PAX5: variants seen among roughly 807,000 people sequenced by gnomAD.
PAX5 encodes the protein paired box protein Pax-5.
Under a neutral mutation model 43.7 loss-of-function variants are expected in PAX5, and 9 were observed. That is an observed-to-expected ratio of 0.21 (90% CI 0.12 to 0.36). The LOEUF is 0.36. Ranked by LOEUF, PAX5 falls within the 10% of genes least tolerant of loss-of-function variation. The pLI, the probability that PAX5 is intolerant of heterozygous loss-of-function variation, is 1.00. For synonymous variants in PAX5, 228 were observed against 214.3 expected, an observed-to-expected ratio of 1.06 and a Z score of -0.56; for missense variants, 383 against 532.7, an observed-to-expected ratio of 0.72 and a Z score of 2.77.
intron 7 of PAX5, among the ~76,000 whole-genome samples, chr9:36,913,357 G>A (rs1469600484): frequency 6.6e-6 from 1 of 152,210 alleles, no homozygotes; most frequent in Non-Finnish European, 1.5e-5. Context: ...AGGGAAAAAG[G>A]CCAGCAAGAT....
chr9:36,953,812 C>A (rs1833209131), intron 6 of PAX5, among the ~76,000 whole-genome samples: 1 of 152,174 alleles, frequency 6.6e-6, no homozygotes, highest in African/African-American at 2.4e-5. Flanking sequence ...GTAGCTCACA[C>A]CTGTAATTCC....
chr9:36,990,724 G>T (rs761908341), intron 5 of PAX5, among the ~76,000 whole-genome samples: 24 of 152,260 alleles, frequency 1.6e-4, no homozygotes, highest in Non-Finnish European at 2.4e-4. Context: ...GCAAACGCTT[G>T]CCATAAGGCA....
At chr9:37,006,978 C>T (rs1202735503) in intron 3 of PAX5, among the ~76,000 whole-genome samples, 1 of 152,146 alleles carries the variant, frequency 6.6e-6, no homozygotes, top group Non-Finnish European at 1.5e-5. Context: ...TCTCTCTGTC[C>T]TCTGGCAGCG....
At chr9:36,948,226 T>C (rs1832715433) in intron 6 of PAX5, among the ~76,000 whole-genome samples, 1 of 152,174 alleles carries the variant, frequency 6.6e-6, no homozygotes, top group Non-Finnish European at 1.5e-5. Flanking sequence ...CTCTGGCTCT[T>C]ACCGCCTTGC....
intron 7 of PAX5, among the ~76,000 whole-genome samples, chr9:36,904,783 T>C (rs1207569424): frequency 6.6e-6 from 1 of 152,224 alleles, no homozygotes; most frequent in Admixed American, 6.5e-5. Flanking sequence ...GAGTGCTGCG[T>C]GATTAGTAAC....
chr9:36,840,911 A>G (rs1217195675), intron 9 of PAX5, among the ~76,000 whole-genome samples: 1 of 152,192 alleles, frequency 6.6e-6, no homozygotes, highest in East Asian at 1.9e-4. Flanking sequence ...ATAACATTTT[A>G]CTGGAACACA....
chr9:36,837,506 G>A lies in PAX5; in HGVS notation c.*3054C>T. ...CCCCAGGCCTTCTGCCACGATGCTG[G>A]TGAGGCCCCGGACTTGTGTTTTCCA... On this transcript the variant is annotated 3_prime_UTR_variant, in exon 10 of 10. Coordinates refer to ENST00000358127, the MANE Select transcript of PAX5 (RefSeq NM_016734.3). The A allele has an allele frequency of 4.3e-6, 1 of 233,334 alleles. No homozygotes were observed. The highest frequency in any genetic ancestry group is 8.5e-6 in the Non-Finnish European group (1 of 118,056). The allele number at this position is 233,334 out of a possible 1,614,324, so 14.5% of individuals were successfully genotyped here.
chr9:36,960,380 C>G (rs757325374), intron 6 of PAX5, among the ~76,000 whole-genome samples: 1 of 152,152 alleles, frequency 6.6e-6, no homozygotes. Context: ...CCCTTGGACA[C>G]AGGAGCAGCC....
rs984899847 is a variant in PAX5, at chr9:36,836,309, G to C, written c.*4251C>G. On this transcript the variant is annotated 3_prime_UTR_variant, in exon 10 of 10. Coordinates refer to ENST00000358127, the MANE Select transcript of PAX5 (RefSeq NM_016734.3). ...AAGATGAGGCCTGGGAGAGTGGCAGGCTCTGGGCGTGCCCGTTTCTACCCC... is the reference window on the plus strand; with the variant it reads ...AAGATGAGGCCTGGGAGAGTGGCAGCCTCTGGGCGTGCCCGTTTCTACCCC... The C allele has an allele frequency of 3.0e-5, 7 of 233,252 alleles. No homozygotes were observed. The highest frequency in any genetic ancestry group is 5.9e-5 in the Non-Finnish European group (7 of 118,108). The allele number at this position is 233,252 out of a possible 1,614,324, so 14.4% of individuals were successfully genotyped here.
intron 5 of PAX5, among the ~76,000 whole-genome samples, chr9:36,999,733 G>A (rs143327699): frequency 3.9e-5 from 6 of 152,312 alleles, no homozygotes; most frequent in African/African-American, 1.4e-4. Flanking sequence ...CAAATCCATG[G>A]TTTGCAGCTG....
rs76720039 is a variant in PAX5 at position 36,863,769 on chromosome 9, C to T, written c.1013-16840G>A. Among the ~76,000 whole-genome samples the T allele has an allele frequency of 8.0e-3, 1,218 of 152,290 alleles. 11 individuals carry two copies. Among genetic ancestry groups the T allele is most frequent in the Non-Finnish European group, 9.8e-3 (667 of 68,026 alleles). The stretch of plus-strand genomic sequence containing the variant: ...CCTAATGGGAGCATTGCAAAAAACA[C>T]GCAGGTCGGGGAATGAAAGGCAATT... On this transcript the variant is annotated intron_variant, in intron 8 of 9. Transcript: ENST00000358127.
chr9:36,883,059 C>G (rs111492048), intron 7 of PAX5, among the ~76,000 whole-genome samples: 2,814 of 152,274 alleles, frequency 0.018, 91 homozygotes, highest in African/African-American at 0.064. Flanking sequence ...GTGCTCACAT[C>G]CTACTTGGCT....
chr9:37,017,724 C>T (rs57628727), intron 2 of PAX5, among the ~76,000 whole-genome samples: 4,219 of 152,344 alleles, frequency 0.028, 191 homozygotes, highest in African/African-American at 0.089. Flanking sequence ...GGCGGCAGCA[C>T]GCAGGGCTAC....
intron 6 of PAX5, among the ~76,000 whole-genome samples, chr9:36,964,870 A>G (rs1834284263): frequency 6.6e-6 from 1 of 152,136 alleles, no homozygotes; most frequent in Non-Finnish European, 1.5e-5. Flanking sequence ...GTGTCACTCG[A>G]CTTGTAAGAG....
intron 5 of PAX5, among the ~76,000 whole-genome samples, chr9:36,981,126 A>G (rs756959134): frequency 4.2e-4 from 63 of 149,326 alleles, no homozygotes; most frequent in Non-Finnish European, 8.3e-4. Context: ...TCCTCCCTCC[A>G]TTAAGGCCTC....
Position 36,939,578 on chromosome 9 carries a change from T to A in PAX5, c.781-16094A>T, listed in dbSNP as rs150747707. 4.2e-3 allele frequency among the ~76,000 whole-genome samples: 634 copies of A among 152,380 alleles called. 7 individuals are homozygous for A. The highest frequency in any genetic ancestry group is 8.2e-3 in the Admixed American group (125 of 15,312). ...TTCCATTCCCTCTTTGTTTCTCATTTTCATTTGGTTCTAATATCTGCATGT... is the reference window on the plus strand; with the variant it reads ...TTCCATTCCCTCTTTGTTTCTCATTATCATTTGGTTCTAATATCTGCATGT... On this transcript the variant is annotated intron_variant, in intron 6 of 9. Coordinates refer to ENST00000358127, the MANE Select transcript of PAX5 (RefSeq NM_016734.3).
chr9:37,025,798 G>T (rs757699853), intron 1 of PAX5, among the ~76,000 whole-genome samples: 39 of 152,190 alleles, frequency 2.6e-4, no homozygotes, highest in Non-Finnish European at 4.3e-4. Flanking sequence ...GGGTGCCTGC[G>T]TGGTAACTAA....
intron 7 of PAX5, among the ~76,000 whole-genome samples, chr9:36,903,017 T>A (rs1163426511): frequency 6.6e-6 from 1 of 152,062 alleles, no homozygotes; most frequent in Non-Finnish European, 1.5e-5. Context: ...TGGGCCGAGG[T>A]TCCCCACCCC....
At position 36,846,934 on chromosome 9, in the gene PAX5, G is replaced by T. The variant is rs776870070; in HGVS notation, c.1013-5C>A. On this transcript the variant is annotated splice_region_variant and splice_polypyrimidine_tract_variant and intron_variant, in intron 8 of 9. Coordinates refer to ENST00000358127, the MANE Select transcript of PAX5 (RefSeq NM_016734.3). The stretch of plus-strand genomic sequence containing the variant: ...GACTCCCGGAAAACTCACTCCCTGT[G>T]TATGGTGGGTGGAGAGAGAAACAGG... The T allele has an allele frequency of 1.9e-6, 3 of 1,600,254 alleles. No individual in the cohort carries two copies. The highest frequency in any genetic ancestry group is 1.7e-5 in the Admixed American group (1 of 59,980).
Sources: allele counts gnomAD v4.1 joint callset (sites outside exome capture counted in the v4.1 genomes callset), GRCh38; gene constraint gnomAD v4.1.1; transcripts MANE v1.5; gene names NCBI Gene and HGNC (gene_info 2026-07-23, HGNC 2026-07-21).